TSPOAP1: variants seen among roughly 807,000 people sequenced by gnomAD.
The protein encoded by TSPOAP1 is TSPO associated protein 1.
Under a neutral mutation model 197.0 loss-of-function variants are expected in TSPOAP1, and 87 were observed. That is an observed-to-expected ratio of 0.44 (90% CI 0.37 to 0.53). The LOEUF (loss-of-function observed/expected upper bound fraction) is 0.53. Among genes scored for constraint, TSPOAP1 ranks in the 20% least tolerant of loss-of-function variants. The pLI is 0.00. For synonymous variants in TSPOAP1, 913 were observed against 998.9 expected (o/e 0.91, Z 1.62); for missense variants, 2,174 against 2,411.3 (o/e 0.90, Z 2.06).
chr17:58,327,704 C>T lies in TSPOAP1; in HGVS notation c.217G>A (p.Gly73Arg). 1 of 1,614,126 alleles carries T rather than the reference C, an allele frequency of 6.2e-7. No homozygotes were observed. Among genetic ancestry groups the T allele is most frequent in the South Asian group, 1.1e-5 (1 of 91,090 alleles). The change falls in exon 1 of 32, where the codon GGG (glycine) becomes AGG (arginine). Residue 73 changes from glycine (G) to arginine (R), a missense_variant. Around this residue, in one of 5 missense-constraint regions of TSPOAP1, gnomAD observed 1,933 missense variants for 2,139.0 expected, o/e 0.90. Transcript: ENST00000343736. Reference sequence around the variant, plus strand: ...TCTGCTCCTTCAGGGTCAGTTCCCCCCACGGGCCTGGAGCTCCCGTCTCCT... The same window carrying T: ...TCTGCTCCTTCAGGGTCAGTTCCCCTCACGGGCCTGGAGCTCCCGTCTCCT... ...PKGDGSSRPV[G>R]GTDPEGAEAC...
Position 58,309,272 on chromosome 17 carries a change from C to G in TSPOAP1, c.4000G>C (p.Glu1334Gln). The G allele has an allele frequency of 6.2e-7, 1 of 1,613,922 alleles. No individual in the cohort carries two copies. Among genetic ancestry groups the G allele is most frequent in the Non-Finnish European group, 8.5e-7 (1 of 1,179,992 alleles). ...FCSKKLFSIPEEEEEEEEDEE... is the reference protein window; with the variant it reads ...FCSKKLFSIPQEEEEEEEDEE... ...TCCTCCTCTTCCTCTTCCTCCTCCT[C>G]CGGGATGCTAAAGAGCTTCTTGCTA... The change falls in exon 22 of 32, where the codon GAG becomes CAG. Residue 1334 changes from glutamate to glutamine, a missense_variant. Glu to Gln is a conservative substitution (Grantham distance 29). Around this residue, in one of 5 missense-constraint regions of TSPOAP1, gnomAD observed 1,933 missense variants for 2,139.0 expected, o/e 0.90. Transcript: ENST00000343736. The surrounding 1 kb of genome is among the most constrained non-coding windows in gnomAD (Gnocchi z 5.0).
chr17:58,322,952 G>A lies in TSPOAP1; in HGVS notation c.1192C>T (p.Gln398Ter). Residue 398 changes from glutamine to a stop codon, truncating the protein, a stop_gained and splice_region_variant, in exon 8 of 32, where the codon CAG becomes TAG. Transcript: ENST00000343736. LOFTEE classifies it high-confidence loss of function. This position sits in a 1 kb window ranked among gnomAD's most constrained non-coding sequence, Gnocchi z 5.0. The stretch of plus-strand genomic sequence containing the variant: ...CAGCACCTGGGCGGAAGTGGTACCT[G>A]CTCCTTCTCTGTGGCTCTCCCACTG... The part of the protein sequence containing the change: ...RLSGRATEKE[Q>*]VEWENAELRG... 6.2e-7 allele frequency: 1 copy of A among 1,609,796 alleles called. No homozygotes were observed. The highest frequency in any genetic ancestry group is 8.5e-7 in the Non-Finnish European group (1 of 1,178,126).
At chr17:58,305,751 C>T in intron 27 of TSPOAP1, 82 bp downstream of exon 27, 3 of 1,567,888 alleles carry the variant, frequency 1.9e-6, no homozygotes, top group Non-Finnish European at 2.6e-6. Flanking sequence ...TCCCCACTAG[C>T]TGTAGCCAAT....
Position 58,326,581 on chromosome 17 carries a change from C to T in TSPOAP1, c.441+102G>A. ...CTGGGTCTCAGGATTTTGTCACCTC[C>T]ATTGAGCCCCCACTTGGAAAGATGT... On this transcript the variant is annotated intron_variant, in intron 2 of 31. Transcript: ENST00000343736. The surrounding 1 kb of genome is among the most constrained non-coding windows in gnomAD (Gnocchi z 4.7). 4 of 1,531,978 alleles carry T rather than the reference C, an allele frequency of 2.6e-6. No homozygotes were observed. In the South Asian group the frequency reaches 3.5e-5, roughly 13 times the overall value. The allele number at this position is 1,531,978 out of a possible 1,614,324, so 94.9% of individuals were successfully genotyped here.
At position 58,327,878 on chromosome 17, in the gene TSPOAP1, C is replaced by T. The variant is rs377363569; in HGVS notation, c.43G>A (p.Ala15Thr). ...GTGGGCAGTGCCCATGGCTCCATGG[C>T]TCCAGGGTCCCCAGGCCGTGGGAGG... ...TTLPRPGDPG[A>T]MEPWALPTWH... The change falls in exon 1 of 32, where the codon GCC becomes ACC. Residue 15 changes from alanine to threonine, a missense_variant. By Grantham distance (58) the Ala-to-Thr change is moderately conservative. Coordinates refer to ENST00000343736, the MANE Select transcript of TSPOAP1 (RefSeq NM_004758.4). The T allele has an allele frequency of 1.1e-5, 17 of 1,608,960 alleles. No homozygotes were observed. In the African/African-American group the frequency reaches 1.2e-4, roughly 11 times the overall value.
chr17:58,310,172 G>A lies in TSPOAP1; in HGVS notation c.3700-14C>T. 1 of 1,609,228 alleles carries A rather than the reference G, an allele frequency of 6.2e-7. No individual in the cohort carries two copies. The highest frequency in any genetic ancestry group is 8.5e-7 in the Non-Finnish European group (1 of 1,178,520). ...TGTGTCCTCCTTCTGCAAGAAGTGAGGCAAGGCAGGAGAGATAAGGACAGT... is the reference window on the plus strand; with the variant it reads ...TGTGTCCTCCTTCTGCAAGAAGTGAAGCAAGGCAGGAGAGATAAGGACAGT... On this transcript the variant is annotated splice_polypyrimidine_tract_variant and intron_variant, in intron 20 of 31. Transcript: ENST00000343736.
chr17:58,323,313 C>T lies in TSPOAP1; in HGVS notation c.1089G>A (p.Arg363=). The T allele has an allele frequency of 6.2e-7, 1 of 1,614,196 alleles. No homozygotes were observed. The change falls in exon 7 of 32, where the codon AGG becomes AGA. Residue 363 remains arginine (R), a synonymous_variant. Coordinates refer to ENST00000343736, the MANE Select transcript of TSPOAP1 (RefSeq NM_004758.4). ...SLEQEARKKQ[R]RCEELELQLR... ...AAGAGCTCACCAGCTCCTCACATCGCCTCTGCTTTTTCCGGGCTTCCTGCT... is the reference window on the plus strand; with the variant it reads ...AAGAGCTCACCAGCTCCTCACATCGTCTCTGCTTTTTCCGGGCTTCCTGCT...
chr17:58,322,779 G>A lies in TSPOAP1; in HGVS notation c.1195-3C>T, dbSNP rs751010488. ...AGCTCCGCATTCTCCCACTCCACCT[G>A]GCGAGGGGGCAGTGACAGGGAGTTG... is the stretch of plus-strand genomic sequence containing the variant. On this transcript the variant is annotated splice_polypyrimidine_tract_variant and splice_region_variant and intron_variant, in intron 8 of 31. Transcript: ENST00000343736. The surrounding 1 kb of genome is among the most constrained non-coding windows in gnomAD (Gnocchi z 5.0). 5 of 1,612,552 alleles carry A rather than the reference G, an allele frequency of 3.1e-6. No homozygotes were observed. Among genetic ancestry groups the A allele is most frequent in the Admixed American group, 1.7e-5 (1 of 60,008 alleles).
chr17:58,309,844 G>T lies in TSPOAP1; in HGVS notation c.3891+123C>A. 7.6e-7 allele frequency: 1 copy of T among 1,311,914 alleles called. No individual in the cohort carries two copies. Among genetic ancestry groups the T allele is most frequent in the Non-Finnish European group, 1.0e-6 (1 of 959,190 alleles). The allele number at this position is 1,311,914 out of a possible 1,614,324, so 81.3% of individuals were successfully genotyped here. On this transcript the variant is annotated intron_variant, in intron 21 of 31. Transcript: ENST00000343736. The surrounding 1 kb of genome is among the most constrained non-coding windows in gnomAD (Gnocchi z 5.0). ...CTTCCTATCTTCTGCTTAGGACAGG[G>T]CCCAGGCCACAGACCTAGAATGTTT...
rs1301994142 is a variant in TSPOAP1 at position 58,316,108 on chromosome 17, A to T, written c.2013T>A (p.Asn671Lys). ...RYSYNPFEGPNENPEAELPLT... is the reference protein window; with the variant it reads ...RYSYNPFEGPKENPEAELPLT... The stretch of plus-strand genomic sequence containing the variant: ...GCGGAAGCTCTGCTTCTGGATTCTC[A>T]TTGGGACCCTCAAAGGGGTTGTAGC... Residue 671 changes from asparagine (N) to lysine (K), a missense_variant, in exon 16 of 32, where the codon AAT (asparagine) becomes AAA (lysine). Physicochemically the swap from Asn to Lys is moderately conservative, Grantham distance 94 (BLOSUM62 0). Coordinates refer to ENST00000343736, the MANE Select transcript of TSPOAP1 (RefSeq NM_004758.4). 2 of 1,613,824 alleles carry T rather than the reference A, an allele frequency of 1.2e-6. No homozygotes were observed. The highest frequency in any genetic ancestry group is 2.2e-5 in the East Asian group (1 of 44,858).
chr17:58,325,415 C>A, intron 4 of TSPOAP1, 119 bp downstream of exon 4: 1 of 1,374,280 alleles, frequency 7.3e-7, no homozygotes, highest in Non-Finnish European at 9.9e-7. Context: ...GAACCTACTC[C>A]CAGCAACCTC....
Position 58,322,768 on chromosome 17 carries a change from C to T in TSPOAP1, c.1203G>A (p.Trp401Ter). The T allele has an allele frequency of 6.2e-7, 1 of 1,612,896 alleles. No homozygotes were observed. Residue 401 changes from tryptophan (W) to a stop codon, truncating the protein, a stop_gained, in exon 9 of 32, where the codon TGG becomes TGA. Coordinates refer to ENST00000343736, the MANE Select transcript of TSPOAP1 (RefSeq NM_004758.4). LOFTEE classifies it high-confidence loss of function. This position sits in a 1 kb window ranked among gnomAD's most constrained non-coding sequence, Gnocchi z 5.0. ...GRATEKEQVE[W>*]ENAELRGQLL... ...GCTGGCCCCTCAGCTCCGCATTCTC[C>T]CACTCCACCTGGCGAGGGGGCAGTG...
At chr17:58,327,537 A>T in intron 1 of TSPOAP1, 51 bp downstream of exon 1, 7 of 1,563,600 alleles carry the variant, frequency 4.5e-6, no homozygotes, top group Non-Finnish European at 6.1e-6. Context: ...GCTGGAGGAC[A>T]TGGTGAGAGA....
Position 58,311,619 on chromosome 17 carries a change from G to C in TSPOAP1, c.3033C>G (p.Ser1011=). The change falls in exon 18 of 32, where the codon TCC becomes TCG. Residue 1011 remains serine (S), a synonymous_variant. Transcript: ENST00000343736. ...LPVTIDAAGT[S]NGVRVTGYAI... ...CATAGCCTGTGACCCGGACACCGTTGGATGTGCCAGCAGCATCGATGGTGA... is the reference window on the plus strand; with the variant it reads ...CATAGCCTGTGACCCGGACACCGTTCGATGTGCCAGCAGCATCGATGGTGA... 5 of 1,610,188 alleles carry C rather than the reference G, an allele frequency of 3.1e-6. No individual in the cohort carries two copies. The highest frequency in any genetic ancestry group is 3.4e-6 in the Non-Finnish European group (4 of 1,177,422).
chr17:58,316,254 G>T, intron 15 of TSPOAP1, 122 bp from the exon 16 acceptor site: 1 of 1,081,736 alleles, frequency 9.2e-7, no homozygotes, highest in Non-Finnish European at 1.4e-6. Flanking sequence ...TCCACCACCA[G>T]CAAAGCTGAG....
intron 15 of TSPOAP1, 33 bp from the exon 16 acceptor site, chr17:58,316,165 A>G (rs374869750): frequency 3.7e-5 from 55 of 1,469,140 alleles, no homozygotes; most frequent in Non-Finnish European, 5.0e-5. Context: ...GGAGGAGGAG[A>G]GTGACCTACA....
At chr17:58,306,588 G>T in intron 25 of TSPOAP1, 175 bp from the exon 26 acceptor site, 1 of 897,842 alleles carries the variant, frequency 1.1e-6, no homozygotes, top group Non-Finnish European at 1.7e-6. Flanking sequence ...ATTCCTGGCT[G>T]CATGGCTGTA....
In TSPOAP1 at chr17:58,327,967, G is replaced by A. The variant is rs527507835; in HGVS notation, c.-47C>T. 2.9e-4 allele frequency: 433 copies of A among 1,492,320 alleles called. 4 individuals are homozygous for A. The South Asian group carries it at 5.2e-3, about 18-fold the overall frequency. The allele number at this position is 1,492,320 out of a possible 1,614,324, so 92.4% of individuals were successfully genotyped here. On this transcript the variant is annotated 5_prime_UTR_variant, in exon 1 of 32. Transcript: ENST00000343736. The stretch of plus-strand genomic sequence containing the variant: ...AACCCGGGCCGGGGGACATCACCCA[G>A]CCAGGTGGGGGGACTGGCGAGGGTC...
At chr17:58,325,032 G>T (rs1363685797) in intron 4 of TSPOAP1, 30 bp from the exon 5 acceptor site, 2 of 1,493,644 alleles carry the variant, frequency 1.3e-6, no homozygotes, top group Non-Finnish European at 1.8e-6. Context: ...ACAGGGAGGG[G>T]ACTCAGGCCT....
Sources: gnomAD v4.1 joint callset for allele counts on GRCh38, gnomAD v4.1.1 for gene constraint, gnomAD v4.1.1 regional missense constraint, Gnocchi (gnomAD v3.1) non-coding constraint, MANE v1.5 for transcripts, NCBI Gene and HGNC (gene_info 2026-07-23, HGNC 2026-07-21) for gene names.